TUBB8: variants seen among roughly 807,000 people sequenced by gnomAD.
TUBB8 encodes the protein tubulin beta 8 class VIII.
A neutral mutation model predicts 33.7 loss-of-function variants in TUBB8; 25 were observed. The ratio of observed to expected loss-of-function variants is 0.74; its 90% CI spans 0.54 to 1.04. The LOEUF is 1.04. Among genes scored for constraint, TUBB8 ranks in the 50% least tolerant of loss-of-function variants. The pLI, the probability that TUBB8 is intolerant of heterozygous loss-of-function variation, is 0.00. For synonymous variants in TUBB8, 245 were observed against 240.1 expected, an observed-to-expected ratio of 1.02 and a Z score of -0.19; for missense variants, 279 against 608.0, an observed-to-expected ratio of 0.46 and a Z score of 5.69.
At chr10:70,786 G>A (rs1318464002) in intron 1 of TUBB8, among the ~76,000 whole-genome samples, 2 of 152,088 alleles carry the variant, frequency 1.3e-5, no homozygotes, top group Admixed American at 1.3e-4. Flanking sequence ...GCAGTCAGCC[G>A]AGATCTCCAC....
intron 1 of TUBB8, among the ~76,000 whole-genome samples, chr10:60,524 G>A (rs1367729201): frequency 3.3e-5 from 5 of 152,306 alleles, no homozygotes; most frequent in Non-Finnish European, 5.9e-5. Context: ...AAACCACAAT[G>A]AGATACATCT....
chr10:72,053 C>G (rs1328896862), intron 1 of TUBB8, among the ~76,000 whole-genome samples: 1 of 151,910 alleles, frequency 6.6e-6, no homozygotes, highest in Non-Finnish European at 1.5e-5. Flanking sequence ...TGGTGAAACC[C>G]CATCTCTATT....
upstream of TUBB8, chr10:49,307 G>A (rs797032475): frequency 8.7e-6 from 13 of 1,501,944 alleles, no homozygotes; most frequent in Non-Finnish European, 1.1e-5. Flanking sequence ...GACCCAGCCC[G>A]CCCTCCGCCA....
At chr10:55,579 G>C (rs1305054204) in intron 1 of TUBB8, among the ~76,000 whole-genome samples, 2 of 152,160 alleles carry the variant, frequency 1.3e-5, no homozygotes, top group South Asian at 2.1e-4. Context: ...TGCCCTAAAG[G>C]GTTTCCCCAG....
chr10:59,608 G>A (rs1346988220), intron 1 of TUBB8, among the ~76,000 whole-genome samples: 1 of 152,190 alleles, frequency 6.6e-6, no homozygotes, highest in Non-Finnish European at 1.5e-5. Flanking sequence ...TTGTTTAATT[G>A]CATTTACTAG....
intron 1 of TUBB8, among the ~76,000 whole-genome samples, chr10:63,966 G>A (rs1834634356): frequency 6.6e-6 from 1 of 152,132 alleles, no homozygotes; most frequent in South Asian, 2.1e-4. Flanking sequence ...AGAGACTTAG[G>A]TCCCAAGCCC....
chr10:60,156 GT>G (rs1834579754), intron 1 of TUBB8, among the ~76,000 whole-genome samples: 1 of 151,680 alleles, frequency 6.6e-6, no homozygotes, highest in Non-Finnish European at 1.5e-5. Flanking sequence ...TTTGAGTTTG[GT>G]TTGGCCTTTT....
chr10:59,730 G>C (rs184926393), intron 1 of TUBB8, among the ~76,000 whole-genome samples: 206 of 152,318 alleles, frequency 1.4e-3, no homozygotes, highest in African/African-American at 4.8e-3. Flanking sequence ...CAAAGAATGA[G>C]TTTGGAAATG....
upstream of TUBB8, among the ~76,000 whole-genome samples, chr10:53,934 T>A (rs1484801797): frequency 1.3e-5 from 2 of 152,258 alleles, no homozygotes; most frequent in African/African-American, 4.8e-5. Flanking sequence ...AGTTGGTGTA[T>A]ATATTTATGG....
intron 1 of TUBB8, among the ~76,000 whole-genome samples, chr10:58,645 T>C (rs1554740470): frequency 6.6e-6 from 1 of 152,082 alleles, no homozygotes; most frequent in Non-Finnish European, 1.5e-5. Flanking sequence ...GTTACACACT[T>C]TTAAATAACC....
At chr10:64,967 A>AT in intron 1 of TUBB8, among the ~76,000 whole-genome samples, 1 of 103,432 alleles carries the variant, frequency 9.7e-6, no homozygotes. Flanking sequence ...GGAAACCCCC[A>AT]TCTCCACTAA....
chr10:65,823 T>A (rs1357044901), intron 1 of TUBB8, among the ~76,000 whole-genome samples: 1 of 152,250 alleles, frequency 6.6e-6, no homozygotes, highest in Non-Finnish European at 1.5e-5. Context: ...GATCACTACA[T>A]CCTTTTCTCA....
chr10:52,259 A>C (rs1834477843), upstream of TUBB8, among the ~76,000 whole-genome samples: 1 of 152,126 alleles, frequency 6.6e-6, no homozygotes, highest in South Asian at 2.1e-4. Context: ...CCTAAAACAC[A>C]GCCCACTTGC....
rs1564205796 is a variant in TUBB8, at chr10:49,273, G to A, written c.-35C>T. 7 of 1,569,024 alleles carry A rather than the reference G, an allele frequency of 4.5e-6. No homozygotes were observed. The highest frequency in any genetic ancestry group is 6.0e-6 in the Non-Finnish European group (7 of 1,157,140). On this transcript the variant is annotated 5_prime_UTR_variant, in exon 1 of 4. Transcript: ENST00000568584. ...GGGATTAGGACGGCAGGAGAAACGT[G>A]AGAAGGAGGAGCAGACGCGCAGCGA...
At chr10:63,905 T>C (rs1834633753) in intron 1 of TUBB8, among the ~76,000 whole-genome samples, 1 of 152,202 alleles carries the variant, frequency 6.6e-6, no homozygotes. Context: ...GTCTTCACAG[T>C]CTGGGCTTGT....
chr10:58,528 G>T (rs1270121810), intron 1 of TUBB8, among the ~76,000 whole-genome samples: 1 of 152,244 alleles, frequency 6.6e-6, no homozygotes, highest in South Asian at 2.1e-4. Context: ...CACAGCACTG[G>T]CATGCACTTC....
upstream of TUBB8, among the ~76,000 whole-genome samples, chr10:52,494 A>G (rs1465484472): frequency 1.3e-5 from 2 of 152,270 alleles, no homozygotes; most frequent in Non-Finnish European, 2.9e-5. Context: ...GGACATCCTC[A>G]GAAAACAAGA....
At chr10:69,760 G>A (rs542055484) in intron 1 of TUBB8, among the ~76,000 whole-genome samples, 1 of 152,166 alleles carries the variant, frequency 6.6e-6, no homozygotes, top group Non-Finnish European at 1.5e-5. Flanking sequence ...AGCTGAGCAC[G>A]GTTGTATACA....
chr10:50,889 T>C (rs1324182252), upstream of TUBB8, among the ~76,000 whole-genome samples: 1 of 152,202 alleles, frequency 6.6e-6, no homozygotes, highest in Admixed American at 6.5e-5. Flanking sequence ...TTGCATCTGT[T>C]AACCACTCTT....
Sources: allele counts gnomAD v4.1 joint callset (sites outside exome capture counted in the v4.1 genomes callset), GRCh38; gene constraint gnomAD v4.1.1; transcripts MANE v1.5; gene names NCBI Gene and HGNC (gene_info 2026-07-23, HGNC 2026-07-21).